CCDC134: variants seen among roughly 807,000 people sequenced by gnomAD.
CCDC134 encodes coiled-coil domain containing 134.
Under a neutral mutation model 25.6 loss-of-function variants are expected in CCDC134, and 27 were observed. That is an observed-to-expected ratio of 1.05 (90% CI 0.78 to 1.45). The LOEUF (loss-of-function observed/expected upper bound fraction) is 1.45. Ranked by LOEUF, CCDC134 falls within the 40% of genes most tolerant of loss-of-function variation. The pLI is 0.00. For synonymous variants in CCDC134, 110 were observed against 115.0 expected (o/e 0.96, Z 0.28); for missense variants, 261 against 286.7 (o/e 0.91, Z 0.65).
chr22:41,813,247 C>A lies in CCDC134; in HGVS notation c.311-17C>A, dbSNP rs201870505. ...GAGAGCATCTGCCCTGGCCACTCAT[C>A]AGGGTCCTCTCGCCAGCTTTCTCCC... is the stretch of plus-strand genomic sequence containing the variant. On this transcript the variant is annotated splice_polypyrimidine_tract_variant and intron_variant, in intron 4 of 6. Transcript: ENST00000255784. 2 of 1,613,808 alleles carry A rather than the reference C, an allele frequency of 1.2e-6. No individual in the cohort carries two copies. The highest frequency in any genetic ancestry group is 4.5e-5 in the East Asian group (2 of 44,870).
intron 4 of CCDC134, among the ~76,000 whole-genome samples, chr22:41,811,688 C>T (rs541821701): frequency 1.5e-4 from 23 of 152,274 alleles, no homozygotes; most frequent in African/African-American, 5.1e-4. Context: ...CATGTGGACT[C>T]CCAAAGTGCT....
In CCDC134 at chr22:41,831,078, G is replaced by A. The variant is rs1602250885; in HGVS notation, c.*5255G>A. ...TTTTTGTATTTTTAGTAGAGACGGG[G>A]TTTCACCAAGCTGGCCAAGCTGGTC... On this transcript the variant is annotated 3_prime_UTR_variant, in exon 7 of 7. Coordinates refer to ENST00000255784, the MANE Select transcript of CCDC134 (RefSeq NM_024821.5). The A allele has an allele frequency of 6.6e-6, 1 of 151,858 alleles. No individual in the cohort carries two copies. The highest frequency in any genetic ancestry group is 1.5e-5 in the Non-Finnish European group (1 of 68,002). The allele number at this position is 151,858 out of a possible 1,614,324, so 9.4% of individuals were successfully genotyped here.
chr22:41,809,127 C>A, intron 2 of CCDC134, 134 bp downstream of exon 2: 1 of 676,442 alleles, frequency 1.5e-6, no homozygotes, highest in Non-Finnish European at 2.5e-6. Context: ...TCTAGCCAGA[C>A]CTTGAGCAAG....
chr22:41,803,863 G>A (rs899280988), intron 1 of CCDC134, among the ~76,000 whole-genome samples: 1 of 152,104 alleles, frequency 6.6e-6, no homozygotes, highest in African/African-American at 2.4e-5. Context: ...CCACCGTGGT[G>A]GCTCACGCCT....
In CCDC134 at chr22:41,827,816, A is replaced by G. The variant is rs2076686752; in HGVS notation, c.*1993A>G. On this transcript the variant is annotated 3_prime_UTR_variant, in exon 7 of 7. Coordinates refer to ENST00000255784, the MANE Select transcript of CCDC134 (RefSeq NM_024821.5). ...CTGTTTAACCTGTCCTGGTGCCAGC[A>G]GCTGGAGCTGGGTGTCAGGACCAGC... Among the ~76,000 whole-genome samples, 1 of 152,212 alleles carries G rather than the reference A, an allele frequency of 6.6e-6. No homozygotes were observed. Among genetic ancestry groups the G allele is most frequent in the Non-Finnish European group, 1.5e-5 (1 of 68,040 alleles).
intron 1 of CCDC134, among the ~76,000 whole-genome samples, chr22:41,807,421 G>T (rs1236366606): frequency 6.6e-6 from 1 of 152,120 alleles, no homozygotes; most frequent in Non-Finnish European, 1.5e-5. Context: ...AAATAGCCGT[G>T]CATGGCGGCA....
In CCDC134 at chr22:41,830,096, T is replaced by G. The variant is rs898087871; in HGVS notation, c.*4273T>G. 1.3e-5 allele frequency among the ~76,000 whole-genome samples: 2 copies of G among 152,154 alleles called. No individual in the cohort carries two copies. The highest frequency in any genetic ancestry group is 2.9e-5 in the Non-Finnish European group (2 of 68,042). On this transcript the variant is annotated 3_prime_UTR_variant, in exon 7 of 7. Transcript: ENST00000255784. ...GTCCATCTCTTTTCAGATGAAGAGC[T>G]CAGGTTCTGAGGAGTGACTTGTCAA...
chr22:41,818,161 C>T (rs749248518), intron 6 of CCDC134, among the ~76,000 whole-genome samples: 1 of 152,216 alleles, frequency 6.6e-6, no homozygotes, highest in Non-Finnish European at 1.5e-5. Flanking sequence ...GAAATAGGCT[C>T]AGCTTCCAGA....
rs193070851 is a variant in CCDC134 at position 41,816,138 on chromosome 22, T to C, written c.564+2316T>C. Among the ~76,000 whole-genome samples the C allele has an allele frequency of 6.0e-3, 920 of 152,258 alleles. 2 individuals are homozygous for C. The highest frequency in any genetic ancestry group is 8.8e-3 in the Non-Finnish European group (596 of 68,016). On this transcript the variant is annotated intron_variant, in intron 6 of 6. Coordinates refer to ENST00000255784, the MANE Select transcript of CCDC134 (RefSeq NM_024821.5). ...TACTGCCAATAAGTACAGGGGGCAA[T>C]AGATGGACCCAAGCAACCCTCATGC...
In CCDC134 at chr22:41,805,108, C is replaced by A. The variant is rs5758479; in HGVS notation, c.-16-3767C>A. On this transcript the variant is annotated intron_variant, in intron 1 of 6. Transcript: ENST00000255784. ...AGAGAGAGAGCAAAGTCTTACTGGACTTTTGCAAATAACCACATTGCCGTA... is the reference window on the plus strand; with the variant it reads ...AGAGAGAGAGCAAAGTCTTACTGGAATTTTGCAAATAACCACATTGCCGTA... 0.019 allele frequency among the ~76,000 whole-genome samples: 2,942 copies of A among 152,056 alleles called. 616 individuals are homozygous for A. In the East Asian group the frequency reaches 0.48, roughly 25 times the overall value.
intron 6 of CCDC134, among the ~76,000 whole-genome samples, chr22:41,818,867 C>G (rs2076635078): frequency 6.6e-6 from 1 of 152,178 alleles, no homozygotes; most frequent in Admixed American, 6.5e-5. Context: ...AAGGGGTTAC[C>G]CATGGAGATG....
rs1309601156 is a variant in CCDC134 at position 41,831,263 on chromosome 22, C to G, written c.*5440C>G. 6.6e-6 allele frequency: 1 copy of G among 152,058 alleles called. No individual in the cohort carries two copies. Among genetic ancestry groups the G allele is most frequent in the Non-Finnish European group, 1.5e-5 (1 of 68,060 alleles). The allele number at this position is 152,058 out of a possible 1,614,324, so 9.4% of individuals were successfully genotyped here. ...CCAGGCTGGAGTGCAGCGACATGAT[C>G]TCAGCTCACTGCAGCCTCTATCTCC... is the stretch of plus-strand genomic sequence containing the variant. On this transcript the variant is annotated 3_prime_UTR_variant, in exon 7 of 7. Coordinates refer to ENST00000255784, the MANE Select transcript of CCDC134 (RefSeq NM_024821.5).
chr22:41,808,801 GTTCACCT>G, intron 1 of CCDC134, 67 bp from the exon 2 acceptor site: 1 of 1,195,792 alleles, frequency 8.4e-7, no homozygotes, highest in Non-Finnish European at 1.2e-6. Context: ...GGAAGCTGCT[GTTCACCT>G]GTGCACTCTA....
At chr22:41,814,427 C>T (rs2148313173) in intron 6 of CCDC134, among the ~76,000 whole-genome samples, 1 of 152,180 alleles carries the variant, frequency 6.6e-6, no homozygotes, top group Admixed American at 6.5e-5. Context: ...ACTGGCCAGG[C>T]GTGGTGGTGC....
chr22:41,801,370 C>A (rs1242266688), intron 1 of CCDC134, among the ~76,000 whole-genome samples: 1 of 152,048 alleles, frequency 6.6e-6, no homozygotes, highest in Admixed American at 6.6e-5. Context: ...GAGCATCTCT[C>A]CCCTGGGGCA....
rs1272214081 is a variant in CCDC134, at chr22:41,825,166, A to G, written c.565-532A>G. ...GGGGTAACTAACCACACAGGCCAAC[A>G]GAAGCTATGAGTTAGACGAGACAAT... On this transcript the variant is annotated intron_variant, in intron 6 of 6. Transcript: ENST00000255784. This position sits in a 1 kb window ranked among gnomAD's most constrained non-coding sequence, Gnocchi z 4.4. Among the ~76,000 whole-genome samples, 1 of 152,102 alleles carries G rather than the reference A, an allele frequency of 6.6e-6. No individual in the cohort carries two copies. The highest frequency in any genetic ancestry group is 6.5e-5 in the Admixed American group (1 of 15,274).
chr22:41,807,419 G>A (rs903434070), intron 1 of CCDC134, among the ~76,000 whole-genome samples: 8 of 152,048 alleles, frequency 5.3e-5, no homozygotes, highest in Non-Finnish European at 7.4e-5. Flanking sequence ...AAAAATAGCC[G>A]TGCATGGCGG....
rs2076687129 is a variant in CCDC134, at chr22:41,827,880, C to T, written c.*2057C>T. Among the ~76,000 whole-genome samples, 1 of 152,228 alleles carries T rather than the reference C, an allele frequency of 6.6e-6. No individual in the cohort carries two copies. Among genetic ancestry groups the T allele is most frequent in the South Asian group, 2.1e-4 (1 of 4,834 alleles). On this transcript the variant is annotated 3_prime_UTR_variant, in exon 7 of 7. Coordinates refer to ENST00000255784, the MANE Select transcript of CCDC134 (RefSeq NM_024821.5). ...CCTGCCGGAAGGACCAGGCCAGTCG[C>T]TGTCCTTTTCATGCTAGAGAGTGGT... is the stretch of plus-strand genomic sequence containing the variant.
chr22:41,817,761 A>AATAAATAAATAT (rs2076629790), intron 6 of CCDC134, among the ~76,000 whole-genome samples: 3 of 151,460 alleles, frequency 2.0e-5, no homozygotes, highest in Non-Finnish European at 4.4e-5. Flanking sequence ...TAAATAAATA[A>AATAAATAAATAT]ATAAATAAAA....
Sources: gnomAD v4.1 joint callset for allele counts (sites outside exome capture counted in the v4.1 genomes callset) on GRCh38, gnomAD v4.1.1 for gene constraint, Gnocchi (gnomAD v3.1) non-coding constraint, MANE v1.5 for transcripts, NCBI Gene and HGNC (gene_info 2026-07-23, HGNC 2026-07-21) for gene names.